Variants in RANBP2 observed in about 807,000 individuals in gnomAD.
RANBP2 encodes RAN binding protein 2.
Under a neutral mutation model 303.6 loss-of-function variants are expected in RANBP2, and 57 were observed. The ratio of observed to expected loss-of-function variants is 0.19; its 90% CI spans 0.15 to 0.23. RANBP2 has a LOEUF of 0.23. RANBP2 is among the 10% of genes least tolerant of loss of function. The pLI, the probability that RANBP2 is intolerant of heterozygous loss-of-function variation, is 1.00. For synonymous variants in RANBP2, 1,167 were observed against 1,301.5 expected (o/e 0.90, Z 2.23); for missense variants, 3,138 against 3,780.8 (o/e 0.83, Z 4.46).
chr2:108,989,393 C>G, the RANBP2 span: 2 of 152,576 alleles, frequency 1.3e-5, no homozygotes, highest in Non-Finnish European at 2.9e-5. Context: ...TGTTGGAATG[C>G]GTAAAAATCA....
At chr2:109,214,470 A>G in the RANBP2 span, among the ~76,000 whole-genome samples, 1 of 149,748 alleles carries the variant, frequency 6.7e-6, no homozygotes, top group Non-Finnish European at 1.5e-5. Flanking sequence ...GTCATAGAAA[A>G]GAGAAAAAAA....
chr2:109,126,548 G>A, the RANBP2 span, among the ~76,000 whole-genome samples: 9 of 152,226 alleles, frequency 5.9e-5, no homozygotes, highest in Non-Finnish European at 1.0e-4. Flanking sequence ...TAGTGATAGA[G>A]TTTTAGAACT....
the RANBP2 span, among the ~76,000 whole-genome samples, chr2:109,228,764 TC>T: frequency 6.6e-6 from 1 of 152,098 alleles, no homozygotes. Context: ...GGGGCTTCCG[TC>T]TCTGTGGAGT....
chr2:109,420,621 AT>A, the RANBP2 span, among the ~76,000 whole-genome samples: 1 of 151,840 alleles, frequency 6.6e-6, no homozygotes, highest in Non-Finnish European at 1.5e-5. Context: ...AAATTTTTGT[AT>A]TTTTAGTAGA....
chr2:109,662,715 C>T, the RANBP2 span, among the ~76,000 whole-genome samples: 2 of 152,104 alleles, frequency 1.3e-5, no homozygotes, highest in African/African-American at 4.8e-5. Context: ...CCGGCCTCAC[C>T]CTCTATATTT....
chr2:109,506,544 CAGAT>C, the RANBP2 span, among the ~76,000 whole-genome samples: 1 of 152,188 alleles, frequency 6.6e-6, no homozygotes, highest in Non-Finnish European at 1.5e-5. Flanking sequence ...GGGGGCTTCT[CAGAT>C]GGAGGGAAGG....
At chr2:109,602,901 CA>C in the RANBP2 span, among the ~76,000 whole-genome samples, 15,675 of 110,306 alleles carry the variant, frequency 0.14, 881 homozygotes, top group Non-Finnish European at 0.16. Flanking sequence ...GACCCTGTCT[CA>C]AAAAAAAAAA....
At chr2:108,997,440 CAAAAAAAAA>C in the RANBP2 span, among the ~76,000 whole-genome samples, 1 of 49,954 alleles carries the variant, frequency 2.0e-5, no homozygotes, top group African/African-American at 9.6e-5. Context: ...GACTCTGTCT[CAAAAAAAAA>C]AAAAAAAAAA....
At chr2:108,916,125 G>A in the RANBP2 span, among the ~76,000 whole-genome samples, 1 of 151,994 alleles carries the variant, frequency 6.6e-6, no homozygotes, top group East Asian at 1.9e-4. Context: ...TGAGCATAGG[G>A]GCATCATGGC....
the RANBP2 span, among the ~76,000 whole-genome samples, chr2:109,253,483 A>G: frequency 6.6e-6 from 1 of 152,166 alleles, no homozygotes; most frequent in African/African-American, 2.4e-5. Flanking sequence ...CCCAGCTCTC[A>G]TGTTTCCCAG....
chr2:108,769,500 C>A (rs1390289662), intron 20 of RANBP2, among the ~76,000 whole-genome samples: 1 of 149,024 alleles, frequency 6.7e-6, no homozygotes, highest in Non-Finnish European at 1.5e-5. Context: ...TGACTGGTGG[C>A]ATGACACCCT....
the RANBP2 span, chr2:109,398,747 G>A: frequency 1.7e-5 from 27 of 1,613,438 alleles, no homozygotes; most frequent in Admixed American, 1.0e-4. Flanking sequence ...GCCTTTCAGC[G>A]GCGTGTGGAT....
chr2:108,999,019 G>A, the RANBP2 span, among the ~76,000 whole-genome samples: 5 of 152,210 alleles, frequency 3.3e-5, no homozygotes, highest in Non-Finnish European at 7.3e-5. Flanking sequence ...TTTCCAAGAT[G>A]TGATTTTGCA....
At chr2:109,682,626 C>T in the RANBP2 span, among the ~76,000 whole-genome samples, 1 of 152,250 alleles carries the variant, frequency 6.6e-6, no homozygotes, top group Admixed American at 6.5e-5. Flanking sequence ...TACCTCTGGC[C>T]CCGTCCCTTT....
the RANBP2 span, among the ~76,000 whole-genome samples, chr2:109,270,707 C>T: frequency 6.6e-6 from 1 of 152,228 alleles, no homozygotes; most frequent in African/African-American, 2.4e-5. Flanking sequence ...TCTGGAGCAT[C>T]CTTTGGAGAC....
At chr2:108,895,153 A>T in the RANBP2 span, 1 of 152,674 alleles carries the variant, frequency 6.5e-6, no homozygotes, top group Admixed American at 6.5e-5. Flanking sequence ...CAGCAAACAG[A>T]CACAGTAAAT....
the RANBP2 span, among the ~76,000 whole-genome samples, chr2:109,025,025 C>T: frequency 1.3e-5 from 2 of 152,160 alleles, no homozygotes; most frequent in Non-Finnish European, 1.5e-5. Flanking sequence ...GTCCCCTCTT[C>T]CCAGCTGCTG....
At chr2:108,834,476 A>G in the RANBP2 span, among the ~76,000 whole-genome samples, 6 of 152,128 alleles carry the variant, frequency 3.9e-5, no homozygotes, top group African/African-American at 1.4e-4. Context: ...TGGCCTCCCA[A>G]AGTGCTGGGA....
At chr2:109,765,712 T>C in the RANBP2 span, among the ~76,000 whole-genome samples, 640 of 149,704 alleles carry the variant, frequency 4.3e-3, 21 homozygotes, top group Admixed American at 0.038. Context: ...TTGGTGAAGG[T>C]AGGCTAACAC....
Sources: allele counts gnomAD v4.1 joint callset (sites outside exome capture counted in the v4.1 genomes callset), GRCh38; gene constraint gnomAD v4.1.1; transcripts MANE v1.5; gene names NCBI Gene and HGNC (gene_info 2026-07-23, HGNC 2026-07-21).